The following C16orf92 variants were observed in gnomAD, a reference collection of about 807,000 sequenced individuals.
C16orf92 encodes the protein fertilization-influencing membrane protein 1, also known as fertilization-influencing membrane protein.
In C16orf92, 14 loss-of-function variants were observed where a neutral mutation model predicts 13.7. The ratio of observed to expected loss-of-function variants is 1.02; its 90% CI spans 0.67 to 1.60. C16orf92 has a LOEUF of 1.60. Among genes scored for constraint, C16orf92 ranks in the 40% most tolerant of loss-of-function variants. The pLI is 0.00. For synonymous variants in C16orf92, 50 were observed against 57.4 expected (o/e 0.87, Z 0.58); for missense variants, 116 against 139.0 (o/e 0.83, Z 0.83).
intron 1 of C16orf92, 115 bp from the exon 2 acceptor site, chr16:30,023,612 C>T: frequency 6.3e-7 from 1 of 1,577,564 alleles, no homozygotes; most frequent in Non-Finnish European, 8.7e-7. Flanking sequence ...CAAGACCCTC[C>T]ACAGCCTCTG....
At chr16:30,025,878 C>A (rs2071107447), downstream of C16orf92, 1 of 1,364,948 alleles carries the variant, frequency 7.3e-7, no homozygotes, top group Non-Finnish European at 1.0e-6. The surrounding 1 kb of genome is among the most constrained non-coding windows in gnomAD (Gnocchi z 4.1). Context: ...TCTTGGGCAG[C>A]CCCCGCCCTT....
chr16:30,023,558 C>T, intron 1 of C16orf92, 154 bp downstream of exon 1: 1 of 1,427,226 alleles, frequency 7.0e-7, no homozygotes, highest in Non-Finnish European at 9.7e-7. Context: ...CCCCCAACAA[C>T]CGCGAGCCTT....
downstream of C16orf92, chr16:30,025,364 T>C: frequency 6.2e-7 from 1 of 1,603,014 alleles, no homozygotes; most frequent in Non-Finnish European, 8.5e-7. This position sits in a 1 kb window ranked among gnomAD's most constrained non-coding sequence, Gnocchi z 4.1. Context: ...ATGGCGCCCG[T>C]AGGCCCAGTA....
chr16:30,026,869 G>A (rs750794691), downstream of C16orf92: 13 of 1,594,562 alleles, frequency 8.2e-6, no homozygotes, highest in Non-Finnish European at 1.1e-5. Context: ...ACGGGGTGGG[G>A]GAGCAAGGAG....
In C16orf92 at chr16:30,023,726, G is replaced by T; in HGVS notation, c.65-1G>T. 1 of 1,614,112 alleles carries T rather than the reference G, an allele frequency of 6.2e-7. No individual in the cohort carries two copies. The highest frequency in any genetic ancestry group is 1.1e-5 in the South Asian group (1 of 91,082). ...TGTCACAGAGTTTGCTTGGGTCCTAGCACCCAGACCCAAGCGTGCCACGGC... is the reference window on the plus strand; with the variant it reads ...TGTCACAGAGTTTGCTTGGGTCCTATCACCCAGACCCAAGCGTGCCACGGC... On this transcript the variant is annotated splice_acceptor_variant, in intron 1 of 3. Transcript: ENST00000681219. LOFTEE classifies it high-confidence loss of function.
downstream of C16orf92, chr16:30,027,137 C>CACAG (rs1244732093): frequency 3.8e-6 from 2 of 524,110 alleles, no homozygotes; most frequent in South Asian, 3.1e-5. Context: ...GACCAAAAGG[C>CACAG]ACAGATACAG....
chr16:30,027,453 C>G, downstream of C16orf92: 1 of 411,596 alleles, frequency 2.4e-6, no homozygotes, highest in Non-Finnish European at 4.9e-6. Flanking sequence ...GGCGGTGTGG[C>G]TCCACAGCCC....
chr16:30,024,359 T>G lies in C16orf92; in HGVS notation c.*132T>G. On this transcript the variant is annotated 3_prime_UTR_variant, in exon 4 of 4. Coordinates refer to ENST00000681219, the MANE Select transcript of C16orf92 (RefSeq NM_001109659.2). ...CAGCTGGGGATCCTGTCCCCTCTGT[T>G]TCCCATGGCCCAAGCCCCCCACCTC... The G allele has an allele frequency of 7.8e-7, 1 of 1,275,018 alleles. No individual in the cohort carries two copies. The highest frequency in any genetic ancestry group is 1.4e-5 in the South Asian group (1 of 69,190). 79.0% of individuals were successfully genotyped at this position (1,275,018 alleles called of 1,614,324 possible).
At chr16:30,026,519 A>G, downstream of C16orf92, 1 of 1,163,300 alleles carries the variant, frequency 8.6e-7, no homozygotes, top group Non-Finnish European at 1.2e-6. Flanking sequence ...GTCAGTACGC[A>G]GACCCGGGGC....
chr16:30,026,907 G>T, downstream of C16orf92: 2 of 1,381,900 alleles, frequency 1.4e-6, no homozygotes, highest in East Asian at 2.3e-5. Flanking sequence ...ATTGGGGTCA[G>T]ATCTCAGGGG....
downstream of C16orf92, chr16:30,025,919 C>T (rs1336938095): frequency 3.2e-6 from 3 of 930,530 alleles, no homozygotes; most frequent in African/African-American, 4.9e-5. The surrounding 1 kb of genome is among the most constrained non-coding windows in gnomAD (Gnocchi z 4.1). Context: ...TTGGGAGATG[C>T]TTGACTCTGA....
At chr16:30,026,912 CAG>C, downstream of C16orf92, 1 of 1,337,784 alleles carries the variant, frequency 7.5e-7, no homozygotes, top group Non-Finnish European at 1.1e-6. Flanking sequence ...GGTCAGATCT[CAG>C]GGGTCAGCAC....
chr16:30,023,650 C>A, intron 1 of C16orf92, 77 bp from the exon 2 acceptor site: 1 of 1,613,050 alleles, frequency 6.2e-7, no homozygotes, highest in South Asian at 1.1e-5. Flanking sequence ...CTCACAGGGT[C>A]CCAAGTCAGC....
chr16:30,026,709 G>A (rs773111522), downstream of C16orf92: 24 of 1,613,864 alleles, frequency 1.5e-5, 1 homozygote, highest in Admixed American at 5.0e-5. Context: ...CGTGCTGCCC[G>A]GGGCTCTGGC....
At position 30,023,278 on chromosome 16, in the gene C16orf92, A is replaced by T; in HGVS notation, c.-63A>T. 6.8e-7 allele frequency: 1 copy of T among 1,475,212 alleles called. No individual in the cohort carries two copies. The highest frequency in any genetic ancestry group is 9.3e-7 in the Non-Finnish European group (1 of 1,076,894). 91.4% of individuals were successfully genotyped at this position (1,475,212 alleles called of 1,614,324 possible). A position where few individuals can be genotyped will look rare whatever the true frequency, so the allele number is the denominator to read the frequency against. Reference sequence around the variant, plus strand: ...TCCTAGCACTTTCTCCCCTCACCCCAAAGTGCCATCAGAACAGCTCTGGGC... The same window carrying T: ...TCCTAGCACTTTCTCCCCTCACCCCTAAGTGCCATCAGAACAGCTCTGGGC... On this transcript the variant is annotated 5_prime_UTR_variant, in exon 1 of 4. It introduces an in-frame stop codon into an upstream open reading frame of the 5' UTR. Transcript: ENST00000681219.
downstream of C16orf92, chr16:30,027,204 C>T (rs1316573836): frequency 6.4e-6 from 3 of 466,010 alleles, no homozygotes; most frequent in Non-Finnish European, 8.6e-6. Context: ...TTTGTCCTAA[C>T]CTTACCATGA....
downstream of C16orf92, chr16:30,026,867 G>A (rs1205952712): frequency 1.2e-6 from 2 of 1,601,622 alleles, no homozygotes; most frequent in Non-Finnish European, 1.7e-6. Flanking sequence ...AGACGGGGTG[G>A]GGGAGCAAGG....
chr16:30,024,180 T>A (rs2070982135), intron 3 of C16orf92, 26 bp from the exon 4 acceptor site: 1 of 1,613,494 alleles, frequency 6.2e-7, no homozygotes, highest in African/African-American at 1.3e-5. Flanking sequence ...CTGTGACCTC[T>A]CCCCTCTGAT....
intron 2 of C16orf92, 43 bp downstream of exon 2, chr16:30,023,928 C>G: frequency 6.3e-7 from 1 of 1,594,652 alleles, no homozygotes; most frequent in Non-Finnish European, 8.6e-7. Context: ...CCGCCAGGGT[C>G]TGGAGGAGAG....
Sources: allele counts gnomAD v4.1 joint callset, GRCh38; gene constraint gnomAD v4.1.1; non-coding constraint Gnocchi (gnomAD v3.1); transcripts MANE v1.5; gene names NCBI Gene and HGNC (gene_info 2026-07-23, HGNC 2026-07-21).